RICTOR: variants seen among roughly 807,000 people sequenced by gnomAD.
RICTOR encodes the protein rapamycin-insensitive companion of mTOR.
RICTOR carries 49 observed loss-of-function variants against 214.9 expected under a neutral mutation model. The observed-to-expected ratio is 0.23, with a 90% CI of 0.18 to 0.29. RICTOR has a LOEUF of 0.29. Among genes scored for constraint, RICTOR ranks in the 10% least tolerant of loss-of-function variants. The pLI is 1.00. For synonymous variants in RICTOR, 717 were observed against 711.3 expected, an observed-to-expected ratio of 1.01 and a Z score of -0.13; for missense variants, 1,625 against 2,047.0, an observed-to-expected ratio of 0.79 and a Z score of 3.98.
chr5:38,972,761 G>GC (rs1295998943), intron 10 of RICTOR, among the ~76,000 whole-genome samples: 1 of 151,434 alleles, frequency 6.6e-6, no homozygotes, highest in Non-Finnish European at 1.5e-5. Flanking sequence ...AGGTATTTAC[G>GC]CAAGAGAAAT....
chr5:38,976,467 T>C lies in RICTOR; in HGVS notation c.822-863A>G, dbSNP rs1044999987. Among the ~76,000 whole-genome samples the C allele has an allele frequency of 4.6e-5, 7 of 151,992 alleles. No homozygotes were observed. The South Asian group carries it at 6.2e-4, about 14-fold the overall frequency. ...TGAGCAATTAGTCTACAAAAGTGGATTGAAAAGCTCAAAGAAAAAGACTAA... is the reference window on the plus strand; with the variant it reads ...TGAGCAATTAGTCTACAAAAGTGGACTGAAAAGCTCAAAGAAAAAGACTAA... On this transcript the variant is annotated intron_variant, in intron 9 of 37. Coordinates refer to ENST00000357387, the MANE Select transcript of RICTOR (RefSeq NM_152756.5).
intron 14 of RICTOR, 95 bp downstream of exon 14, chr5:38,967,066 G>A (rs1297767127): frequency 1.0e-5 from 10 of 955,438 alleles, no homozygotes; most frequent in Middle Eastern, 3.3e-4. Context: ...TTCTCAAAGT[G>A]TTGGGATTAC....
intron 2 of RICTOR, among the ~76,000 whole-genome samples, chr5:39,063,195 C>G (rs1022943612): frequency 6.6e-6 from 1 of 152,120 alleles, no homozygotes; most frequent in African/African-American, 2.4e-5. Flanking sequence ...AGGCTTGGGT[C>G]TGGAATGCAG....
chr5:39,017,592 TCTTA>T (rs924624634), intron 3 of RICTOR, among the ~76,000 whole-genome samples: 4 of 152,072 alleles, frequency 2.6e-5, no homozygotes, highest in African/African-American at 2.4e-5. Flanking sequence ...TTTTATCATC[TCTTA>T]TATATTAAAA....
chr5:38,956,476 A>G (rs1022906639), intron 25 of RICTOR, among the ~76,000 whole-genome samples: 3 of 152,078 alleles, frequency 2.0e-5, no homozygotes, highest in Non-Finnish European at 4.4e-5. Flanking sequence ...GACTTTCTTC[A>G]TAAGTCTATA....
intron 16 of RICTOR, among the ~76,000 whole-genome samples, chr5:38,963,479 T>C (rs1284967217): frequency 6.6e-6 from 1 of 152,012 alleles, no homozygotes; most frequent in African/African-American, 2.4e-5. Context: ...CAGTATCAAC[T>C]GAACAGTCTC....
chr5:38,979,592 T>A (rs1380334847), intron 8 of RICTOR, among the ~76,000 whole-genome samples: 1 of 152,048 alleles, frequency 6.6e-6, no homozygotes, highest in Admixed American at 6.6e-5. Context: ...GACTTAAGAG[T>A]CTAGGAGAGG....
chr5:39,031,705 C>G lies in RICTOR; in HGVS notation c.98-10569G>C, dbSNP rs565151246. 5.9e-5 allele frequency among the ~76,000 whole-genome samples: 9 copies of G among 152,222 alleles called. No individual in the cohort carries two copies. In the South Asian group the frequency reaches 1.9e-3, roughly 32 times the overall value. On this transcript the variant is annotated intron_variant, in intron 2 of 37. Coordinates refer to ENST00000357387, the MANE Select transcript of RICTOR (RefSeq NM_152756.5). ...TGATGTATTTGTGAATACACATAAA[C>G]AAATACTACAATATATCCAACTAGA...
At chr5:38,943,927 A>C (rs1259885612) in intron 36 of RICTOR, among the ~76,000 whole-genome samples, 2 of 152,058 alleles carry the variant, frequency 1.3e-5, no homozygotes, top group Non-Finnish European at 1.5e-5. Flanking sequence ...AGAAAATATG[A>C]CTTGTTACAT....
chr5:39,074,269 G>GT, intron 1 of RICTOR, 60 bp downstream of exon 1: 1 of 1,577,478 alleles, frequency 6.3e-7, no homozygotes, highest in Non-Finnish European at 8.6e-7. Context: ...GCCAGGGGAA[G>GT]GCAAGTGCCA....
intron 3 of RICTOR, among the ~76,000 whole-genome samples, chr5:39,012,206 CT>C (rs796341120): frequency 2.6e-5 from 4 of 152,220 alleles, no homozygotes; most frequent in African/African-American, 9.6e-5. Context: ...TTATAAGGGA[CT>C]TCCTTCCCCC....
intron 6 of RICTOR, among the ~76,000 whole-genome samples, chr5:38,995,972 G>A (rs1206572498): frequency 6.6e-6 from 1 of 151,778 alleles, no homozygotes; most frequent in African/African-American, 2.4e-5. Flanking sequence ...CTAACCAAAA[G>A]GTAGACAATT....
chr5:39,001,901 A>G (rs1222346630), intron 5 of RICTOR, among the ~76,000 whole-genome samples: 1 of 152,146 alleles, frequency 6.6e-6, no homozygotes, highest in Admixed American at 6.5e-5. Context: ...TAATAGTAGA[A>G]GTATAATCAG....
At chr5:39,023,036 T>C (rs145480832) in intron 2 of RICTOR, among the ~76,000 whole-genome samples, 1 of 151,990 alleles carries the variant, frequency 6.6e-6, no homozygotes, top group East Asian at 1.9e-4. Flanking sequence ...CAGATTATAA[T>C]CAAATTGCTC....
intron 7 of RICTOR, among the ~76,000 whole-genome samples, chr5:38,990,612 T>TAC (rs1752564321): frequency 8.6e-6 from 1 of 116,402 alleles, no homozygotes; most frequent in South Asian, 2.5e-4. Flanking sequence ...ATATGATATA[T>TAC]ATACGATATA....
intron 31 of RICTOR, among the ~76,000 whole-genome samples, chr5:38,949,090 A>G (rs1275573167): frequency 1.3e-5 from 2 of 152,084 alleles, no homozygotes; most frequent in Non-Finnish European, 2.9e-5. Flanking sequence ...CACAAAAATT[A>G]TAGGTACAAA....
chr5:39,021,950 T>C (rs1414416584), intron 2 of RICTOR, among the ~76,000 whole-genome samples: 1 of 152,204 alleles, frequency 6.6e-6, no homozygotes, highest in Non-Finnish European at 1.5e-5. Context: ...GTCTGTGACT[T>C]AGAACGGTTA....
At chr5:39,030,779 G>A (rs970225667) in intron 2 of RICTOR, among the ~76,000 whole-genome samples, 1 of 151,996 alleles carries the variant, frequency 6.6e-6, no homozygotes, top group African/African-American at 2.4e-5. Flanking sequence ...TTTAAGACCA[G>A]GTTGTTGTTG....
intron 2 of RICTOR, among the ~76,000 whole-genome samples, chr5:39,040,740 C>T (rs1285469322): frequency 6.6e-6 from 1 of 152,044 alleles, no homozygotes; most frequent in Non-Finnish European, 1.5e-5. Context: ...CAGTTATGAT[C>T]TGACCTAGGA....
Sources: gnomAD v4.1 joint callset for allele counts (sites outside exome capture counted in the v4.1 genomes callset) on GRCh38, gnomAD v4.1.1 for gene constraint, MANE v1.5 for transcripts, NCBI Gene and HGNC (gene_info 2026-07-23, HGNC 2026-07-21) for gene names.